TRPM3: variants seen among roughly 807,000 people sequenced by gnomAD.
The protein encoded by TRPM3 is long transient receptor potential channel 3.
A neutral mutation model predicts 181.2 loss-of-function variants in TRPM3; 77 were observed. The observed-to-expected ratio is 0.42, with a 90% CI of 0.35 to 0.51. The LOEUF is 0.51. TRPM3 is among the 20% of genes least tolerant of loss of function. TRPM3 has a pLI of 0.01. For missense variants in TRPM3, 1,759 were observed against 2,196.7 expected (o/e 0.80, Z 3.98); for synonymous variants, 745 against 796.4 (o/e 0.94, Z 1.09).
intron 1 of TRPM3, among the ~76,000 whole-genome samples, chr9:70,986,876 A>C (rs1475901025): frequency 1.3e-5 from 2 of 151,934 alleles, no homozygotes; most frequent in Non-Finnish European, 2.9e-5. Context: ...GTTTAACCAA[A>C]AGTGGATCAG....
chr9:70,812,777 T>A (rs1410718518), intron 6 of TRPM3, among the ~76,000 whole-genome samples: 1 of 152,076 alleles, frequency 6.6e-6, no homozygotes, highest in Non-Finnish European at 1.5e-5. Context: ...TTTCCCCCAT[T>A]TATCAAACTC....
At chr9:70,804,309 C>T (rs1435520373) in intron 6 of TRPM3, among the ~76,000 whole-genome samples, 1 of 152,112 alleles carries the variant, frequency 6.6e-6, no homozygotes, top group African/African-American at 2.4e-5. Flanking sequence ...CAGAGCAAGA[C>T]TCCATCTCAA....
At chr9:71,415,089 G>A (rs1452915148) in intron 1 of TRPM3, among the ~76,000 whole-genome samples, 1 of 152,034 alleles carries the variant, frequency 6.6e-6, no homozygotes, top group Non-Finnish European at 1.5e-5. Context: ...TAAGAGAGAA[G>A]CAGAAAGAAA....
chr9:71,198,496 A>G (rs940168806), intron 1 of TRPM3, among the ~76,000 whole-genome samples: 1 of 152,116 alleles, frequency 6.6e-6, no homozygotes, highest in South Asian at 2.1e-4. Context: ...GATTCTTCCT[A>G]CCCATGAGCA....
At chr9:70,606,234 T>C (rs1202813176) in intron 19 of TRPM3, among the ~76,000 whole-genome samples, 1 of 152,206 alleles carries the variant, frequency 6.6e-6, no homozygotes, top group African/African-American at 2.4e-5. Flanking sequence ...CAACACACTG[T>C]AGAGGCCCAA....
At chr9:71,049,614 A>G (rs1281739912) in intron 1 of TRPM3, among the ~76,000 whole-genome samples, 1 of 152,134 alleles carries the variant, frequency 6.6e-6, no homozygotes, top group Non-Finnish European at 1.5e-5. Flanking sequence ...CTGGGTTTGC[A>G]GGGGAAGAGA....
chr9:70,623,057 A>G (rs988197209), intron 14 of TRPM3, among the ~76,000 whole-genome samples: 3 of 152,046 alleles, frequency 2.0e-5, no homozygotes, highest in African/African-American at 4.8e-5. Context: ...TCAGAAAAAA[A>G]CTTTGTTAAA....
intron 1 of TRPM3, among the ~76,000 whole-genome samples, chr9:71,143,541 A>G (rs1289128850): frequency 6.6e-6 from 1 of 152,148 alleles, no homozygotes; most frequent in African/African-American, 2.4e-5. Flanking sequence ...ATGGCTGCAT[A>G]GGATTCCATG....
intron 1 of TRPM3, among the ~76,000 whole-genome samples, chr9:71,058,293 CTT>C (rs2060899425): frequency 6.6e-6 from 1 of 151,906 alleles, no homozygotes; most frequent in African/African-American, 2.4e-5. Context: ...GCTCCATTCT[CTT>C]GTTTTCTCCT....
chr9:70,589,284 C>T (rs2057703602), intron 22 of TRPM3, among the ~76,000 whole-genome samples: 1 of 152,098 alleles, frequency 6.6e-6, no homozygotes, highest in Non-Finnish European at 1.5e-5. Flanking sequence ...GTTTGTTGCA[C>T]TAGGCTGGGT....
chr9:71,115,637 C>T (rs2072187059), intron 1 of TRPM3, among the ~76,000 whole-genome samples: 1 of 152,168 alleles, frequency 6.6e-6, no homozygotes, highest in Admixed American at 6.5e-5. Flanking sequence ...CAGCAGGGCC[C>T]TTTCCCCTTG....
intron 1 of TRPM3, among the ~76,000 whole-genome samples, chr9:71,300,464 G>A (rs2086665059): frequency 6.6e-6 from 1 of 151,974 alleles, no homozygotes; most frequent in Non-Finnish European, 1.5e-5. Context: ...GTAGACTGAA[G>A]AAGTAAATAG....
chr9:70,950,738 C>T (rs1290789109), intron 1 of TRPM3, among the ~76,000 whole-genome samples: 2 of 152,118 alleles, frequency 1.3e-5, no homozygotes, highest in Non-Finnish European at 2.9e-5. Flanking sequence ...CCTGCTAAAT[C>T]TCATCCGACT....
intron 1 of TRPM3, among the ~76,000 whole-genome samples, chr9:71,003,211 A>AAC (rs58212156): frequency 6.6e-6 from 1 of 151,148 alleles, no homozygotes; most frequent in African/African-American, 2.4e-5. Flanking sequence ...AAAAAAAAAA[A>AAC]CACTTAACAG....
chr9:70,592,143 A>AT (rs1012271028), intron 21 of TRPM3, among the ~76,000 whole-genome samples: 126 of 152,072 alleles, frequency 8.3e-4, no homozygotes, highest in African/African-American at 2.9e-3. Flanking sequence ...ATAACTATTG[A>AT]TTTTTTTTCT....
chr9:71,283,666 T>G (rs1303771568), intron 1 of TRPM3, among the ~76,000 whole-genome samples: 1 of 152,212 alleles, frequency 6.6e-6, no homozygotes, highest in African/African-American at 2.4e-5. Flanking sequence ...GTTTATCCAT[T>G]CATCTGTTGG....
At chr9:71,211,682 T>C (rs1018725916) in intron 1 of TRPM3, among the ~76,000 whole-genome samples, 8 of 152,176 alleles carry the variant, frequency 5.3e-5, no homozygotes, top group African/African-American at 9.7e-5. Flanking sequence ...AAGTATCGCC[T>C]TGATTTCTGC....
chr9:71,131,319 C>A (rs1435815648), intron 1 of TRPM3, among the ~76,000 whole-genome samples: 1 of 152,228 alleles, frequency 6.6e-6, no homozygotes, highest in Non-Finnish European at 1.5e-5. Flanking sequence ...CTTCCTTGAT[C>A]TCTTGAGCCC....
At chr9:70,740,147 A>G (rs996750953) in intron 8 of TRPM3, among the ~76,000 whole-genome samples, 1 of 152,210 alleles carries the variant, frequency 6.6e-6, no homozygotes, top group Admixed American at 6.5e-5. Context: ...ATTAATGTAC[A>G]CAAATCAGTA....
Sources: allele counts gnomAD v4.1 joint callset (sites outside exome capture counted in the v4.1 genomes callset), GRCh38; gene constraint gnomAD v4.1.1; transcripts MANE v1.5; gene names NCBI Gene and HGNC (gene_info 2026-07-23, HGNC 2026-07-21).